MTUS2: variants seen among roughly 807,000 people sequenced by gnomAD.
The protein encoded by MTUS2 is microtubule associated scaffold protein 2.
In MTUS2, 40 loss-of-function variants were observed where a neutral mutation model predicts 114.1. The ratio of observed to expected loss-of-function variants is 0.35; its 90% CI spans 0.27 to 0.46. The LOEUF is 0.46. Ranked by LOEUF, MTUS2 falls within the 20% of genes least tolerant of loss-of-function variation. MTUS2 has a pLI of 1.00. For missense variants in MTUS2, 1,679 were observed against 1,705.4 expected, an observed-to-expected ratio of 0.98 and a Z score of 0.27; for synonymous variants, 688 against 672.0, an observed-to-expected ratio of 1.02 and a Z score of -0.37.
intron 1 of MTUS2, among the ~76,000 whole-genome samples, chr13:28,835,142 A>C (rs1874982196): frequency 1.3e-5 from 2 of 152,188 alleles, no homozygotes. Context: ...TAACAACATG[A>C]CCCAGAAACT....
chr13:29,211,596 C>T (rs1350239932), intron 5 of MTUS2, among the ~76,000 whole-genome samples: 1 of 152,210 alleles, frequency 6.6e-6, no homozygotes, highest in Non-Finnish European at 1.5e-5. Flanking sequence ...AAATGGCTTC[C>T]CTGGGGTCTG....
chr13:29,105,807 A>G (rs924173191), intron 5 of MTUS2, among the ~76,000 whole-genome samples: 3 of 79,806 alleles, frequency 3.8e-5, no homozygotes, highest in African/African-American at 7.8e-5. Flanking sequence ...TGGAGGGTTA[A>G]TTTCTGATGA....
chr13:28,980,042 T>C (rs1884288057), intron 2 of MTUS2, among the ~76,000 whole-genome samples: 1 of 152,316 alleles, frequency 6.6e-6, no homozygotes, highest in African/African-American at 2.4e-5. Context: ...TTTCTTATGC[T>C]TAGGCCAACT....
intron 4 of MTUS2, among the ~76,000 whole-genome samples, chr13:29,064,121 G>A (rs578103620): frequency 1.3e-5 from 2 of 152,280 alleles, no homozygotes; most frequent in South Asian, 2.1e-4. Flanking sequence ...GAATGTTAGC[G>A]GGCAGCTTAT....
chr13:29,359,154 A>C (rs1203564902), intron 7 of MTUS2, 108 bp from the exon 8 acceptor site: 1 of 1,086,760 alleles, frequency 9.2e-7, no homozygotes, highest in Non-Finnish European at 1.3e-6. Context: ...ACCGTGGGCA[A>C]TTTCTTCTCT....
At chr13:29,347,224 T>G (rs1868785276) in intron 7 of MTUS2, among the ~76,000 whole-genome samples, 1 of 152,242 alleles carries the variant, frequency 6.6e-6, no homozygotes, top group African/African-American at 2.4e-5. Context: ...TTTACTCTTC[T>G]TCTGCTTATA....
At chr13:29,478,744 A>G (rs924471177) in intron 9 of MTUS2, among the ~76,000 whole-genome samples, 12 of 152,014 alleles carry the variant, frequency 7.9e-5, no homozygotes, top group African/African-American at 2.9e-4. Context: ...CCCTGATTGC[A>G]TTGGGAGATC....
intron 9 of MTUS2, among the ~76,000 whole-genome samples, chr13:29,465,331 G>C (rs1463692659): frequency 2.0e-5 from 3 of 152,164 alleles, no homozygotes; most frequent in African/African-American, 4.8e-5. Flanking sequence ...GAGGCTTAGA[G>C]GGCTTAACTC....
intron 2 of MTUS2, among the ~76,000 whole-genome samples, chr13:28,934,210 T>C (rs1182487676): frequency 6.6e-6 from 1 of 152,234 alleles, no homozygotes; most frequent in Non-Finnish European, 1.5e-5. Context: ...AGCCTAATGT[T>C]TGTACATGGT....
chr13:29,200,561 C>T (rs1292883190), intron 5 of MTUS2, among the ~76,000 whole-genome samples: 1 of 100,726 alleles, frequency 9.9e-6, no homozygotes, highest in African/African-American at 3.9e-5. Flanking sequence ...GCTCTTGTTG[C>T]CCAGGCTGGA....
chr13:28,956,259 A>G (rs1883059505), intron 2 of MTUS2, among the ~76,000 whole-genome samples: 1 of 152,084 alleles, frequency 6.6e-6, no homozygotes, highest in African/African-American at 2.4e-5. Flanking sequence ...CATTTCCGCC[A>G]TGGTTGTCAC....
In MTUS2 at chr13:29,060,802, C is replaced by CTTTT. The variant is rs34983544; in HGVS notation, c.2446+26690_2446+26693dup. Among the ~76,000 whole-genome samples, 19 of 127,706 alleles carry CTTTT rather than the reference C, an allele frequency of 1.5e-4. 1 individual carries two copies. The highest frequency in any genetic ancestry group is 2.6e-4 in the Admixed American group (3 of 11,732). The allele number at this position is 127,706 out of a possible 152,430, so 83.8% of individuals were successfully genotyped here. A position where few individuals can be genotyped will look rare whatever the true frequency, so the allele number is the denominator to read the frequency against. Reference sequence around the variant, plus strand: ...CACTCCTTTCATTTGGATTAGTTGACTTTTTTTTTTTTTTTTGAGCCAAAG... The same window carrying CTTTT: ...CACTCCTTTCATTTGGATTAGTTGACTTTTTTTTTTTTTTTTTTTTGAGCCAAAG... On this transcript the variant is annotated intron_variant, in intron 4 of 15. Transcript: ENST00000612955.
chr13:29,172,733 G>T (rs139646267), intron 5 of MTUS2, among the ~76,000 whole-genome samples: 366 of 152,288 alleles, frequency 2.4e-3, no homozygotes, highest in African/African-American at 8.4e-3. Context: ...AACTAGATTA[G>T]GGACAAGGAG....
At chr13:29,383,899 T>A (rs1457030827) in intron 8 of MTUS2, among the ~76,000 whole-genome samples, 1 of 150,398 alleles carries the variant, frequency 6.6e-6, no homozygotes, top group Admixed American at 6.7e-5. Flanking sequence ...AGCTTCTAAC[T>A]GTCCACTTTT....
chr13:28,947,108 C>T (rs373222542), intron 2 of MTUS2, among the ~76,000 whole-genome samples: 3 of 152,192 alleles, frequency 2.0e-5, no homozygotes, highest in African/African-American at 7.2e-5. Flanking sequence ...GTTGAGTTCA[C>T]TCTCCTTACT....
At chr13:29,089,297 T>C (rs765468085) in intron 4 of MTUS2, among the ~76,000 whole-genome samples, 7 of 152,222 alleles carry the variant, frequency 4.6e-5, no homozygotes, top group Admixed American at 1.3e-4. Flanking sequence ...CTCTTTTGGC[T>C]TGTAGGGTTT....
At chr13:29,404,836 G>C (rs1160441134) in intron 8 of MTUS2, among the ~76,000 whole-genome samples, 1 of 152,174 alleles carries the variant, frequency 6.6e-6, no homozygotes, top group Non-Finnish European at 1.5e-5. Flanking sequence ...CTAAGTAGTA[G>C]TCTGAGCTAA....
In MTUS2 at chr13:29,490,360, G is replaced by A. The variant is rs533142769; in HGVS notation, c.3506-2286G>A. Among the ~76,000 whole-genome samples, 8 of 152,218 alleles carry A rather than the reference G, an allele frequency of 5.3e-5. No homozygotes were observed. The South Asian group carries it at 1.2e-3, about 24-fold the overall frequency. ...AATGGTAATTGTCGGCCTCCAGTACGCTACCATTCTGAGCATATGATGCAG... is the reference window on the plus strand; with the variant it reads ...AATGGTAATTGTCGGCCTCCAGTACACTACCATTCTGAGCATATGATGCAG... On this transcript the variant is annotated intron_variant, in intron 11 of 15. Coordinates refer to ENST00000612955, the MANE Select transcript of MTUS2 (RefSeq NM_001033602.4).
chr13:29,479,546 T>C (rs1447868980), intron 9 of MTUS2, among the ~76,000 whole-genome samples: 2 of 152,068 alleles, frequency 1.3e-5, no homozygotes, highest in African/African-American at 4.8e-5. Context: ...AGATACCGAG[T>C]AGAAAACTTC....
Sources: allele counts gnomAD v4.1 joint callset (sites outside exome capture counted in the v4.1 genomes callset), GRCh38; gene constraint gnomAD v4.1.1; transcripts MANE v1.5; gene names NCBI Gene and HGNC (gene_info 2026-07-23, HGNC 2026-07-21).